FLI1: variants seen among roughly 807,000 people sequenced by gnomAD.
The protein encoded by FLI1 is Fli-1 proto-oncogene, ETS transcription factor.
A neutral mutation model predicts 53.1 loss-of-function variants in FLI1; 13 were observed. The observed-to-expected ratio is 0.24, with a 90% CI of 0.16 to 0.39. The LOEUF is 0.39. Among genes scored for constraint, FLI1 ranks in the 10% least tolerant of loss-of-function variants. FLI1 has a pLI of 1.00. For synonymous variants in FLI1, 244 were observed against 236.7 expected, an observed-to-expected ratio of 1.03 and a Z score of -0.28; for missense variants, 424 against 600.5, an observed-to-expected ratio of 0.71 and a Z score of 3.07.
intron 5 of FLI1, among the ~76,000 whole-genome samples, chr11:128,789,361 GGA>G (rs1478377753): frequency 5.3e-5 from 8 of 152,186 alleles, no homozygotes; most frequent in African/African-American, 1.9e-4. Context: ...GCTCAGCGAA[GGA>G]GCGGAGAGCC....
intron 2 of FLI1, among the ~76,000 whole-genome samples, chr11:128,766,163 C>G (rs889867778): frequency 6.6e-6 from 1 of 152,180 alleles, no homozygotes; most frequent in Non-Finnish European, 1.5e-5. Context: ...CCAGTGCACT[C>G]GGGCCAGAGC....
chr11:128,687,455 C>T (rs1484420717), intron 1 of FLI1, among the ~76,000 whole-genome samples: 4 of 152,102 alleles, frequency 2.6e-5, no homozygotes, highest in Admixed American at 1.3e-4. Flanking sequence ...CTGACGCCCT[C>T]CGAGTAGGGA....
intron 6 of FLI1, 57 bp downstream of exon 6, chr11:128,805,488 G>C: frequency 9.1e-7 from 1 of 1,104,012 alleles, no homozygotes; most frequent in Admixed American, 2.0e-5. Context: ...GACAGGATTG[G>C]AGAACAGGAT....
At chr11:128,723,492 A>G (rs1208893088) in intron 1 of FLI1, among the ~76,000 whole-genome samples, 1 of 152,172 alleles carries the variant, frequency 6.6e-6, no homozygotes, top group African/African-American at 2.4e-5. Flanking sequence ...ACAAGGATGG[A>G]GACATTCCAG....
At chr11:128,793,770 T>C (rs189595971) in intron 5 of FLI1, among the ~76,000 whole-genome samples, 1 of 152,352 alleles carries the variant, frequency 6.6e-6, no homozygotes, top group East Asian at 1.9e-4. Flanking sequence ...AATGAATGCA[T>C]GAGCCCTGCT....
At chr11:128,787,824 T>TG (rs1555123251) in intron 5 of FLI1, among the ~76,000 whole-genome samples, 18 of 151,024 alleles carry the variant, frequency 1.2e-4, no homozygotes, top group South Asian at 2.1e-4. Context: ...TTTTTTTTTT[T>TG]GAGATGGAGT....
intron 1 of FLI1, among the ~76,000 whole-genome samples, chr11:128,750,920 C>T (rs573487504): frequency 5.9e-5 from 9 of 152,288 alleles, no homozygotes; most frequent in African/African-American, 1.9e-4. Flanking sequence ...ATGTGGTGTA[C>T]GAACAACAGT....
At chr11:128,715,332 C>T (rs1938963311) in intron 1 of FLI1, among the ~76,000 whole-genome samples, 2 of 152,214 alleles carry the variant, frequency 1.3e-5, no homozygotes, top group Non-Finnish European at 2.9e-5. Context: ...CCACATGCCT[C>T]CACCCCTTTT....
intron 1 of FLI1, among the ~76,000 whole-genome samples, chr11:128,745,817 T>C (rs1001839583): frequency 3.3e-5 from 5 of 152,208 alleles, no homozygotes; most frequent in African/African-American, 9.6e-5. Flanking sequence ...GGCTGCTCTC[T>C]GGGTGTTGCT....
chr11:128,807,250 AG>A lies in FLI1; in HGVS notation c.781+13del, dbSNP rs777846633. 1.9e-6 allele frequency: 3 copies of A among 1,592,558 alleles called. No individual in the cohort carries two copies. The highest frequency in any genetic ancestry group is 2.6e-6 in the Non-Finnish European group (3 of 1,168,094). On this transcript the variant is annotated intron_variant, in intron 7 of 8. Coordinates refer to ENST00000527786, the MANE Select transcript of FLI1 (RefSeq NM_002017.5). ...AACGGCCCCAGCCAGGTACCTGCCC[AG>A]GATATGTAATCTCTCCTTTGCTTCC...
intron 5 of FLI1, among the ~76,000 whole-genome samples, chr11:128,797,051 T>C (rs971338435): frequency 1.3e-5 from 2 of 152,248 alleles, no homozygotes; most frequent in African/African-American, 4.8e-5. Flanking sequence ...TCTGCTACAC[T>C]GAACCCAGAG....
At chr11:128,691,359 G>A (rs1048712460), upstream of FLI1, among the ~76,000 whole-genome samples, 2 of 152,188 alleles carry the variant, frequency 1.3e-5, no homozygotes, top group African/African-American at 2.4e-5. Context: ...TAAAAGTGGG[G>A]CAAACTGACC....
rs553138994 is a variant in FLI1, at chr11:128,772,777, T to C, written c.386-5T>C. 1 of 1,613,816 alleles carries C rather than the reference T, an allele frequency of 6.2e-7. No individual in the cohort carries two copies. Among genetic ancestry groups the C allele is most frequent in the Admixed American group, 1.7e-5 (1 of 60,028 alleles). On this transcript the variant is annotated splice_polypyrimidine_tract_variant and splice_region_variant and intron_variant, in intron 3 of 8. Coordinates refer to ENST00000527786, the MANE Select transcript of FLI1 (RefSeq NM_002017.5). Reference sequence around the variant, plus strand: ...TCCTTGCTAACAACGTCTTCTCCTCTGCAGACCCCACACTGTGGACACAGG... The same window carrying C: ...TCCTTGCTAACAACGTCTTCTCCTCCGCAGACCCCACACTGTGGACACAGG...
At chr11:128,710,075 C>A (rs1480276722) in intron 1 of FLI1, among the ~76,000 whole-genome samples, 1 of 152,124 alleles carries the variant, frequency 6.6e-6, no homozygotes, top group Non-Finnish European at 1.5e-5. Context: ...CTTAACGAGG[C>A]CAGGAAAGCT....
chr11:128,693,821 C>T (rs1368270049), upstream of FLI1: 1 of 210,984 alleles, frequency 4.7e-6, no homozygotes, highest in Admixed American at 6.9e-5. Context: ...GGCATCTCCG[C>T]GTATATTTAT....
chr11:128,789,770 G>T lies in FLI1; in HGVS notation c.655+7747G>T, dbSNP rs116978987. Among the ~76,000 whole-genome samples, 1,046 of 152,206 alleles carry T rather than the reference G, an allele frequency of 6.9e-3. 5 individuals carry two copies. The highest frequency in any genetic ancestry group is 0.011 in the Non-Finnish European group (742 of 67,996). On this transcript the variant is annotated intron_variant, in intron 5 of 8. Coordinates refer to ENST00000527786, the MANE Select transcript of FLI1 (RefSeq NM_002017.5). ...TGTGTGTTGCCTTGTAGAGTGCAGCGTATGGGGGCTAGGTCTGGAACATGT... is the reference window on the plus strand; with the variant it reads ...TGTGTGTTGCCTTGTAGAGTGCAGCTTATGGGGGCTAGGTCTGGAACATGT...
intron 1 of FLI1, among the ~76,000 whole-genome samples, chr11:128,748,793 C>A (rs1342708801): frequency 6.6e-6 from 1 of 152,128 alleles, no homozygotes; most frequent in Admixed American, 6.5e-5. Flanking sequence ...CATGGAGACT[C>A]ATGAGGTGAG....
chr11:128,739,905 A>G (rs1324596016), intron 1 of FLI1, among the ~76,000 whole-genome samples: 2 of 152,158 alleles, frequency 1.3e-5, no homozygotes, highest in Non-Finnish European at 2.9e-5. Context: ...AGGCATTTTG[A>G]CAGGATTTTC....
upstream of FLI1, chr11:128,686,190 C>G (rs1014990253): frequency 5.4e-6 from 2 of 370,878 alleles, no homozygotes; most frequent in Admixed American, 6.7e-5. Context: ...GCTCTGTAAG[C>G]TTCTGCTCCT....
Sources: allele counts gnomAD v4.1 joint callset (sites outside exome capture counted in the v4.1 genomes callset), GRCh38; gene constraint gnomAD v4.1.1; transcripts MANE v1.5; gene names NCBI Gene and HGNC (gene_info 2026-07-23, HGNC 2026-07-21).